The following NOX1 variants were observed in gnomAD, a reference collection of about 807,000 sequenced individuals.
The protein encoded by NOX1 is NADPH oxidase 1, also known as NADH/NADPH mitogenic oxidase subunit P65-MOX.
A neutral mutation model predicts 42.5 loss-of-function variants in NOX1; 34 were observed. The observed-to-expected ratio is 0.80, with a 90% confidence interval of 0.61 to 1.07. The LOEUF (loss-of-function observed/expected upper bound fraction) is 1.07, where lower values mean the gene tolerates loss of function less well. Among genes scored for constraint, NOX1 ranks in the 50% least tolerant of loss-of-function variants. The probability of loss-of-function intolerance (pLI) is 0.00; values close to 1 mark genes in which losing one functional copy is unlikely to be tolerated. For synonymous variants in NOX1, 143 were observed against 152.5 expected (o/e 0.94, Z 0.46); for missense variants, 408 against 427.0 (o/e 0.96, Z 0.39).
intron 7 of NOX1, among the ~76,000 whole-genome samples, chrX:100,860,709 C>T (rs1281340259): frequency 9.0e-6 from 1 of 111,382 alleles, no homozygotes; most frequent in East Asian, 2.8e-4. Context: ...GTTGTAAATA[C>T]TTTTCCTACT....
chrX:100,870,199 CTCTTTT>C (rs2085265227), intron 2 of NOX1, among the ~76,000 whole-genome samples: 1 of 108,131 alleles, frequency 9.2e-6, no homozygotes, highest in Admixed American at 1.0e-4. Flanking sequence ...GGAGGATTCC[CTCTTTT>C]TCTATTGATT....
At chrX:100,852,399 G>T (rs889917967) in intron 7 of NOX1, among the ~76,000 whole-genome samples, 3 of 111,595 alleles carry the variant, frequency 2.7e-5, no homozygotes, top group Non-Finnish European at 5.6e-5. Flanking sequence ...AACCCAGGAG[G>T]TCGCAGTGAG....
intron 7 of NOX1, among the ~76,000 whole-genome samples, chrX:100,853,470 G>A (rs1201316979): frequency 1.2e-5 from 1 of 82,591 alleles, no homozygotes; most frequent in Admixed American, 1.4e-4. Context: ...ACACAGTCTC[G>A]GCTCACTGCA....
intron 7 of NOX1, among the ~76,000 whole-genome samples, chrX:100,857,434 A>G (rs762660882): frequency 2.2e-4 from 25 of 112,035 alleles, no homozygotes; most frequent in Non-Finnish European, 3.9e-4. Flanking sequence ...TCTGTTTTCA[A>G]TTCTTTGAGG....
Position 100,864,538 on chromosome X carries a change from G to T in NOX1, c.142-943C>A, listed in dbSNP as rs1304276119. Among the ~76,000 whole-genome samples, 10 of 111,828 alleles carry T rather than the reference G, an allele frequency of 8.9e-5. No individual in the cohort carries two copies. In the East Asian group the frequency reaches 2.8e-3, roughly 31 times the overall value. On this transcript the variant is annotated intron_variant, in intron 2 of 12. Coordinates refer to ENST00000372966, the MANE Select transcript of NOX1 (RefSeq NM_007052.5). ...TTAAACAGGTAGATATTTGAGAAGG[G>T]AGAACTTCAGAGGAGCAAAATTTTA... is the stretch of plus-strand genomic sequence containing the variant.
chrX:100,844,210 G>T, intron 12 of NOX1, 132 bp from the exon 13 acceptor site: 1 of 600,074 alleles, frequency 1.7e-6, no homozygotes, highest in Non-Finnish European at 2.5e-6. Flanking sequence ...GTTCTTCATG[G>T]TAGTTTTTTA....
At chrX:100,866,418 A>G (rs1051571623) in intron 2 of NOX1, among the ~76,000 whole-genome samples, 14 of 109,907 alleles carry the variant, frequency 1.3e-4, no homozygotes, top group Admixed American at 1.3e-3. Flanking sequence ...TGAATAAACG[A>G]TAGTACCCAC....
intron 2 of NOX1, among the ~76,000 whole-genome samples, chrX:100,869,248 G>A (rs1356513976): frequency 1.8e-5 from 2 of 111,130 alleles, no homozygotes; most frequent in African/African-American, 6.6e-5. Flanking sequence ...AAATTACCTT[G>A]GGCAGTATGG....
At chrX:100,844,793 A>C (rs1297740158) in intron 12 of NOX1, among the ~76,000 whole-genome samples, 1 of 112,021 alleles carries the variant, frequency 8.9e-6, no homozygotes, top group Non-Finnish European at 1.9e-5. Flanking sequence ...GGGGATAAAA[A>C]TAGTACTTAC....
At chrX:100,860,163 C>T (rs2085194519) in intron 7 of NOX1, among the ~76,000 whole-genome samples, 2 of 111,529 alleles carry the variant, frequency 1.8e-5, no homozygotes, top group Non-Finnish European at 3.8e-5. Context: ...GGTACTGTCT[C>T]TTTCGTTTTA....
chrX:100,866,909 C>G (rs1047486015), intron 2 of NOX1, among the ~76,000 whole-genome samples: 11 of 111,434 alleles, frequency 9.9e-5, no homozygotes, highest in African/African-American at 3.6e-4. Context: ...TGGGCATGGT[C>G]GCTCACACCT....
rs749221316 is a variant in NOX1 at position 100,862,381 on chromosome X, G to A, written c.671+11C>T. 50 of 1,208,254 alleles carry A rather than the reference G, an allele frequency of 4.1e-5. No homozygotes were observed. The highest frequency in any genetic ancestry group is 1.1e-4 in the South Asian group (6 of 56,628). On this transcript the variant is annotated intron_variant, in intron 6 of 12. Coordinates refer to ENST00000372966, the MANE Select transcript of NOX1 (RefSeq NM_007052.5). ...GGCTGGGGCATGAGAATGAGGGTTCGAGGATCTTACCCAATGCCGTGAATC... is the reference window on the plus strand; with the variant it reads ...GGCTGGGGCATGAGAATGAGGGTTCAAGGATCTTACCCAATGCCGTGAATC...
chrX:100,866,929 G>A (rs2085242191), intron 2 of NOX1, among the ~76,000 whole-genome samples: 1 of 111,527 alleles, frequency 9.0e-6, no homozygotes, highest in South Asian at 3.8e-4. Flanking sequence ...TGTAATACCC[G>A]GCCTTTGGGA....
intron 12 of NOX1, among the ~76,000 whole-genome samples, chrX:100,848,012 A>G (rs970109116): frequency 9.0e-6 from 1 of 110,770 alleles, no homozygotes; most frequent in Non-Finnish European, 1.9e-5. Flanking sequence ...CTCCCCGCAA[A>G]AATGCATTTG....
chrX:100,846,357 A>G (rs1222004342), intron 12 of NOX1, among the ~76,000 whole-genome samples: 2 of 111,842 alleles, frequency 1.8e-5, no homozygotes, highest in African/African-American at 3.3e-5. Flanking sequence ...ATCTTTTATT[A>G]TGGCCATCTT....
At chrX:100,872,346 A>G (rs1170469921) in intron 1 of NOX1, among the ~76,000 whole-genome samples, 1 of 111,942 alleles carries the variant, frequency 8.9e-6, no homozygotes, top group Non-Finnish European at 1.9e-5. Flanking sequence ...CCCATCATCA[A>G]TTGTAGGCAA....
Position 100,862,786 on chromosome X carries a change from G to A in NOX1, c.372C>T (p.Asp124=). 8.3e-7 allele frequency: 1 copy of A among 1,201,008 alleles called. No homozygotes were observed. The highest frequency in any genetic ancestry group is 1.1e-6 in the Non-Finnish European group (1 of 891,757). The change falls in exon 5 of 13, where the codon GAC becomes GAT. Residue 124 remains aspartate, a synonymous_variant. Coordinates refer to ENST00000372966, the MANE Select transcript of NOX1 (RefSeq NM_007052.5). ...TGGCCTGTCGGCTTCTGCTATAGCAGTCAAAGTTAAACAGGTGTGCAATGA... is the reference window on the plus strand; with the variant it reads ...TGGCCTGTCGGCTTCTGCTATAGCAATCAAAGTTAAACAGGTGTGCAATGA... The part of the protein sequence containing the change: ...IHIIAHLFNF[D]CYSRSRQATD...
At chrX:100,852,958 C>CG (rs777350165) in intron 7 of NOX1, among the ~76,000 whole-genome samples, 29 of 111,927 alleles carry the variant, frequency 2.6e-4, no homozygotes, top group Admixed American at 1.6e-3. Flanking sequence ...GGAGTGTTCA[C>CG]GTGGGCATGC....
At chrX:100,847,087 G>C (rs1294338829) in intron 12 of NOX1, among the ~76,000 whole-genome samples, 1 of 112,100 alleles carries the variant, frequency 8.9e-6, no homozygotes, top group Non-Finnish European at 1.9e-5. Context: ...TACTCGGGAG[G>C]CTGAGGCAGG....
Sources: gnomAD v4.1 joint callset for allele counts (sites outside exome capture counted in the v4.1 genomes callset) on GRCh38, gnomAD v4.1.1 for gene constraint, MANE v1.5 for transcripts, NCBI Gene and HGNC (gene_info 2026-07-23, HGNC 2026-07-21) for gene names.